The following NCOA6 variants were observed in gnomAD, a reference collection of about 807,000 sequenced individuals.
NCOA6 encodes NRC RAP250.
NCOA6 carries 49 observed loss-of-function variants against 171.4 expected under a neutral mutation model. The observed-to-expected ratio is 0.29, with a 90% CI of 0.23 to 0.36. The LOEUF is 0.36. Ranked by LOEUF, NCOA6 falls within the 10% of genes least tolerant of loss-of-function variation. NCOA6 has a pLI of 1.00. For missense variants in NCOA6, 2,248 were observed against 2,554.5 expected, an observed-to-expected ratio of 0.88 and a Z score of 2.59; for synonymous variants, 910 against 927.5, an observed-to-expected ratio of 0.98 and a Z score of 0.34.
At chr20:34,717,266 C>A (rs1018296122) in intron 14 of NCOA6, among the ~76,000 whole-genome samples, 3 of 152,052 alleles carry the variant, frequency 2.0e-5, no homozygotes, top group African/African-American at 7.2e-5. Context: ...GCCTGACCAA[C>A]GTGGAGAAAC....
Position 34,808,455 on chromosome 20 carries a change from T to C in NCOA6, c.-163-15892A>G, listed in dbSNP as rs866494045. On this transcript the variant is annotated intron_variant, in intron 1 of 14. Coordinates refer to ENST00000359003, the MANE Select transcript of NCOA6 (RefSeq NM_014071.5). The stretch of plus-strand genomic sequence containing the variant: ...TCTGTGCTTTTTTTTTTTTTTTTTT[T>C]GAGTCGGAGTTTCGCTCTTGTTGCT... Among the ~76,000 whole-genome samples, 680 of 150,238 alleles carry C rather than the reference T, an allele frequency of 4.5e-3. 7 individuals carry two copies. The highest frequency in any genetic ancestry group is 0.016 in the African/African-American group (633 of 40,798).
At chr20:34,807,391 C>T (rs1266053193) in intron 1 of NCOA6, among the ~76,000 whole-genome samples, 1 of 152,182 alleles carries the variant, frequency 6.6e-6, no homozygotes, top group East Asian at 1.9e-4. Context: ...TATGCCGATT[C>T]CTGACCCATG....
intron 1 of NCOA6, among the ~76,000 whole-genome samples, chr20:34,807,618 T>A (rs2425002): frequency 6.6e-6 from 1 of 151,728 alleles, no homozygotes; most frequent in Non-Finnish European, 1.5e-5. Context: ...CTCCGCCTCC[T>A]GGGTTCACAC....
rs188649389 is a variant in NCOA6, at chr20:34,767,516, G to A, written c.514+948C>T. Among the ~76,000 whole-genome samples the A allele has an allele frequency of 2.6e-5, 4 of 152,124 alleles. No individual in the cohort carries two copies. The East Asian group carries it at 5.8e-4, about 22-fold the overall frequency. On this transcript the variant is annotated intron_variant, in intron 5 of 14. Transcript: ENST00000359003. ...TCACCATCTTGGCCAGGCTGGTCTC[G>A]AACCCCTGACCTCAGGTGATCCACC...
At chr20:34,765,578 C>T (rs2076958310) in intron 5 of NCOA6, among the ~76,000 whole-genome samples, 1 of 151,962 alleles carries the variant, frequency 6.6e-6, no homozygotes, top group Admixed American at 6.6e-5. Flanking sequence ...GGAATCTGCA[C>T]AAGATCCAAG....
intron 14 of NCOA6, among the ~76,000 whole-genome samples, chr20:34,725,653 G>C (rs1304105287): frequency 6.6e-6 from 1 of 151,900 alleles, no homozygotes; most frequent in Non-Finnish European, 1.5e-5. Flanking sequence ...AGATGGAAAA[G>C]GGCCACCTGA....
intron 1 of NCOA6, among the ~76,000 whole-genome samples, chr20:34,794,108 TTAAG>T (rs1239754312): frequency 1.3e-5 from 2 of 152,178 alleles, no homozygotes; most frequent in Non-Finnish European, 2.9e-5. Context: ...ACACCAGCAA[TTAAG>T]TAATGTCTTT....
intron 2 of NCOA6, among the ~76,000 whole-genome samples, chr20:34,789,179 A>G (rs189674368): frequency 6.6e-6 from 1 of 152,370 alleles, no homozygotes; most frequent in African/African-American, 2.4e-5. Context: ...TGAGGGAACT[A>G]TGGTAGTAGT....
Position 34,740,999 on chromosome 20 carries a change from C to T in NCOA6, c.5257G>A (p.Val1753Ile), listed in dbSNP as rs1208715824. ...LPSPPCTSSP[V>I]VPSHPPVQQV... Reference sequence around the variant, plus strand: ...TGCACAGGGGGATGAGAAGGGACAACTGGAGAAGACGTACAAGGAGGGGAA... The same window carrying T: ...TGCACAGGGGGATGAGAAGGGACAATTGGAGAAGACGTACAAGGAGGGGAA... The change falls in exon 11 of 15, where the codon GTT (valine) becomes ATT (isoleucine). Residue 1753 changes from valine to isoleucine, a missense_variant. Coordinates refer to ENST00000359003, the MANE Select transcript of NCOA6 (RefSeq NM_014071.5). 4 of 1,614,174 alleles carry T rather than the reference C, an allele frequency of 2.5e-6. No individual in the cohort carries two copies. The highest frequency in any genetic ancestry group is 3.4e-6 in the Non-Finnish European group (4 of 1,180,024).
At chr20:34,768,679 C>T (rs2077052024) in intron 4 of NCOA6, 93 bp from the exon 5 acceptor site, 2 of 1,427,246 alleles carry the variant, frequency 1.4e-6, no homozygotes, top group Non-Finnish European at 1.9e-6. Context: ...GTTTTCTGTG[C>T]TTTTGAAGAA....
intron 13 of NCOA6, among the ~76,000 whole-genome samples, chr20:34,728,820 T>C (rs549931253): frequency 6.6e-6 from 1 of 152,342 alleles, no homozygotes; most frequent in East Asian, 1.9e-4. Context: ...AAACGATTTA[T>C]GACACATTAC....
intron 3 of NCOA6, among the ~76,000 whole-genome samples, chr20:34,779,141 G>C (rs1400973275): frequency 1.3e-5 from 2 of 152,066 alleles, no homozygotes; most frequent in African/African-American, 4.8e-5. Flanking sequence ...AAAAAGTTAA[G>C]TAATTGAGGA....
chr20:34,751,065 T>C (rs1204618902), intron 8 of NCOA6, among the ~76,000 whole-genome samples: 4 of 150,384 alleles, frequency 2.7e-5, no homozygotes, highest in Non-Finnish European at 4.4e-5. Context: ...CTGAAATAAC[T>C]CTGCTATAAG....
intron 3 of NCOA6, among the ~76,000 whole-genome samples, chr20:34,779,383 G>A (rs1003086939): frequency 1.3e-5 from 2 of 152,076 alleles, no homozygotes; most frequent in African/African-American, 2.4e-5. Flanking sequence ...GTGCAGTGGC[G>A]TGCGCCTGTA....
intron 2 of NCOA6, 87 bp downstream of exon 2, chr20:34,792,363 C>T (rs1036045023): frequency 2.6e-6 from 1 of 388,270 alleles, no homozygotes; most frequent in Non-Finnish European, 4.5e-6. Context: ...CACAGTTTTT[C>T]CAAAAGAGAG....
In NCOA6 at chr20:34,743,006, C is replaced by G; in HGVS notation, c.3250G>C (p.Gly1084Arg). Residue 1084 changes from glycine (G) to arginine (R), a missense_variant, in exon 11 of 15, where the codon GGA becomes CGA. This residue lies in a region of NCOA6 where 352 missense variants were observed against 419.1 expected (regional missense o/e 0.84). Transcript: ENST00000359003. Reference sequence around the variant, plus strand: ...GGTGATGGTGGCACGGAGGCAGGTCCTTGCAGACTGACCATGACAGGCACA... The same window carrying G: ...GGTGATGGTGGCACGGAGGCAGGTCGTTGCAGACTGACCATGACAGGCACA... Reference protein sequence around the residue: ...GSVPVMVSLQGPASVPPSPDK... With the variant: ...GSVPVMVSLQRPASVPPSPDK... 1 of 1,613,682 alleles carries G rather than the reference C, an allele frequency of 6.2e-7. No individual in the cohort carries two copies. Among genetic ancestry groups the G allele is most frequent in the East Asian group, 2.2e-5 (1 of 44,872 alleles).
chr20:34,770,073 C>T (rs961339018), intron 4 of NCOA6, among the ~76,000 whole-genome samples: 1 of 150,958 alleles, frequency 6.6e-6, no homozygotes, highest in Non-Finnish European at 1.5e-5. Flanking sequence ...TGGAGTCTCG[C>T]TCTGTCGCCA....
chr20:34,755,843 C>T (rs912374584), intron 7 of NCOA6, among the ~76,000 whole-genome samples: 1 of 152,110 alleles, frequency 6.6e-6, no homozygotes, highest in Non-Finnish European at 1.5e-5. Flanking sequence ...TCAAGCAATC[C>T]TCCCTGCCTC....
intron 13 of NCOA6, among the ~76,000 whole-genome samples, chr20:34,729,394 A>T (rs1990343722): frequency 6.6e-6 from 1 of 152,204 alleles, no homozygotes; most frequent in South Asian, 2.1e-4. Context: ...CTTCTTTGTA[A>T]TTCTCTGATC....
Sources: allele counts gnomAD v4.1 joint callset (sites outside exome capture counted in the v4.1 genomes callset), GRCh38; gene constraint gnomAD v4.1.1; regional missense constraint gnomAD v4.1.1; transcripts MANE v1.5; gene names NCBI Gene and HGNC (gene_info 2026-07-23, HGNC 2026-07-21).